Variants in LHX6 observed in about 807,000 individuals in gnomAD.
The protein encoded by LHX6 is LIM homeobox 6, also known as LIM/homeobox protein Lhx6.
LHX6 carries 15 observed loss-of-function variants against 47.1 expected under a neutral mutation model. The ratio of observed to expected loss-of-function variants is 0.32; its 90% CI spans 0.21 to 0.49. LHX6 has a LOEUF of 0.49. Among genes scored for constraint, LHX6 ranks in the 20% least tolerant of loss-of-function variants. The probability of loss-of-function intolerance (pLI) is 0.99; values close to 1 mark genes in which losing one functional copy is unlikely to be tolerated. For synonymous variants in LHX6, 242 were observed against 233.5 expected (o/e 1.04, Z -0.33); for missense variants, 404 against 539.6 (o/e 0.75, Z 2.49).
rs1011642236 is a variant in LHX6 at position 122,228,596 on chromosome 9, T to C, written c.84+61A>G. On this transcript the variant is annotated intron_variant, in intron 1 of 9. Transcript: ENST00000394319. ...CGCCCGCCACCCTGCTCGGCCCGGC[T>C]GGGTCCCGGACCCTGCCCGACCCCG... The C allele has an allele frequency of 3.7e-6, 5 of 1,336,606 alleles. No individual in the cohort carries two copies. In the African/African-American group the frequency reaches 4.8e-5, roughly 13 times the overall value. 82.8% of individuals were successfully genotyped at this position (1,336,606 alleles called of 1,614,324 possible). A position where few individuals can be genotyped will look rare whatever the true frequency, so the allele number is the denominator to read the frequency against.
At chr9:122,207,341 A>G (rs1830221465) in intron 9 of LHX6, among the ~76,000 whole-genome samples, 1 of 152,200 alleles carries the variant, frequency 6.6e-6, no homozygotes. Context: ...GCTGCACAAA[A>G]GGAAGTGATT....
chr9:122,217,259 C>A lies in LHX6; in HGVS notation c.491G>T (p.Gly164Val). Residue 164 changes from glycine to valine, a missense_variant, in exon 5 of 10, where the codon GGC becomes GTC. By Grantham distance (109) the Gly-to-Val change is moderately radical (BLOSUM62 -3). Around this residue, in one of 7 missense-constraint regions of LHX6, gnomAD observed 53 missense variants for 97.4 expected, o/e 0.54. Coordinates refer to ENST00000394319, the MANE Select transcript of LHX6 (RefSeq NM_014368.5). This position sits in a 1 kb window ranked among gnomAD's most constrained non-coding sequence, Gnocchi z 4.9. ...SRFGTKCARC[G>V]RQIYASDWVR... ...CCAGTCGCTGGCGTAGATCTGTCGG[C>A]CGCACCGGGCACACTTGGTCCCGAA... 1 of 1,613,212 alleles carries A rather than the reference C, an allele frequency of 6.2e-7. No homozygotes were observed.
intron 1 of LHX6, chr9:122,228,392 C>T: frequency 6.7e-7 from 1 of 1,499,918 alleles, no homozygotes; most frequent in East Asian, 2.5e-5. Context: ...CGGACAATAC[C>T]GGCCTCGCCT....
At position 122,209,720 on chromosome 9, in the gene LHX6, G is replaced by T; in HGVS notation, c.1055-3C>A. ...CACCTGCCCGCACTGTACCTGACCT[G>T]TGGACGAGAGGATGCCTTGGAGCTC... On this transcript the variant is annotated splice_polypyrimidine_tract_variant and splice_region_variant and intron_variant, in intron 8 of 9. Coordinates refer to ENST00000394319, the MANE Select transcript of LHX6 (RefSeq NM_014368.5). 1.2e-6 allele frequency: 1 copy of T among 827,898 alleles called. No homozygotes were observed. 51.3% of individuals were successfully genotyped at this position (827,898 alleles called of 1,614,324 possible).
intron 4 of LHX6, among the ~76,000 whole-genome samples, chr9:122,219,418 C>A (rs1037577310): frequency 6.6e-6 from 1 of 152,232 alleles, no homozygotes; most frequent in Non-Finnish European, 1.5e-5. Context: ...CTCTGTTCCC[C>A]GTCCCGCAGT....
At position 122,226,246 on chromosome 9, in the gene LHX6, G is replaced by C; in HGVS notation, c.461+130C>G. ...CGCTGAGCGCCGGCAGGTTGGACCA[G>C]CGCTGCGCGCCGGAAGTGCACTCGG... is the stretch of plus-strand genomic sequence containing the variant. On this transcript the variant is annotated intron_variant, in intron 4 of 9. Transcript: ENST00000394319. This position sits in a 1 kb window ranked among gnomAD's most constrained non-coding sequence, Gnocchi z 6.5. 8.0e-7 allele frequency: 1 copy of C among 1,248,950 alleles called. No homozygotes were observed. The highest frequency in any genetic ancestry group is 1.1e-6 in the Non-Finnish European group (1 of 921,680). 77.4% of individuals were successfully genotyped at this position (1,248,950 alleles called of 1,614,324 possible). A position where few individuals can be genotyped will look rare whatever the true frequency, so the allele number is the denominator to read the frequency against.
At chr9:122,211,583 A>G (rs1830399456) in intron 8 of LHX6, among the ~76,000 whole-genome samples, 1 of 152,210 alleles carries the variant, frequency 6.6e-6, no homozygotes. Flanking sequence ...TTTACCATAG[A>G]GCAAACTGCT....
At chr9:122,219,687 C>T (rs572972075) in intron 4 of LHX6, among the ~76,000 whole-genome samples, 31 of 152,294 alleles carry the variant, frequency 2.0e-4, no homozygotes, top group African/African-American at 7.2e-4. Context: ...GGGACTCTGG[C>T]ATCCGGTTTT....
intron 4 of LHX6, among the ~76,000 whole-genome samples, chr9:122,224,813 A>AT (rs57752823): frequency 0.02 from 3,075 of 152,294 alleles, 111 homozygotes; most frequent in African/African-American, 0.07. Context: ...AGGAACACAC[A>AT]TGCTATCTAC....
intron 9 of LHX6, among the ~76,000 whole-genome samples, chr9:122,208,981 A>T (rs549848731): frequency 1.3e-5 from 2 of 152,066 alleles, no homozygotes; most frequent in African/African-American, 4.8e-5. Context: ...TGGAGCTGGG[A>T]GGGAGGTAAG....
chr9:122,224,757 C>T (rs1401671108), intron 4 of LHX6, among the ~76,000 whole-genome samples: 2 of 152,192 alleles, frequency 1.3e-5, no homozygotes, highest in Non-Finnish European at 2.9e-5. Context: ...CAGACACCCA[C>T]TCTTGACACC....
chr9:122,204,591 AGGAGAG>A lies in LHX6; in HGVS notation c.*163_*168del. On this transcript the variant is annotated 3_prime_UTR_variant, in exon 10 of 10. Transcript: ENST00000394319. ...CTCCTGGTGGGTTCTGGTTCTCAGC[AGGAGAG>A]GGAAAGGCCAGGCCTCGGGAACCGA... 1.6e-6 allele frequency: 1 copy of A among 616,082 alleles called. No individual in the cohort carries two copies. Among genetic ancestry groups the A allele is most frequent in the Non-Finnish European group, 2.7e-6 (1 of 364,518 alleles). 38.2% of individuals were successfully genotyped at this position (616,082 alleles called of 1,614,324 possible). A position where few individuals can be genotyped will look rare whatever the true frequency, so the allele number is the denominator to read the frequency against.
Position 122,226,793 on chromosome 9 carries a change from C to T in LHX6, c.339+55G>A. On this transcript the variant is annotated intron_variant, in intron 3 of 9. Coordinates refer to ENST00000394319, the MANE Select transcript of LHX6 (RefSeq NM_014368.5). The surrounding 1 kb of genome is among the most constrained non-coding windows in gnomAD (Gnocchi z 6.5). ...ACCTGCGGTGCTTCCCTGCAGTCTC[C>T]TGCGCTGCGTCCCACGCCCCGACAA... The T allele has an allele frequency of 3.3e-6, 5 of 1,525,210 alleles. No homozygotes were observed. Among genetic ancestry groups the T allele is most frequent in the Middle Eastern group, 4.7e-4 (2 of 4,296 alleles). The allele number at this position is 1,525,210 out of a possible 1,614,324, so 94.5% of individuals were successfully genotyped here. A position where few individuals can be genotyped will look rare whatever the true frequency, so the allele number is the denominator to read the frequency against.
chr9:122,224,427 G>C (rs1289928793), intron 4 of LHX6, among the ~76,000 whole-genome samples: 1 of 152,134 alleles, frequency 6.6e-6, no homozygotes, highest in Non-Finnish European at 1.5e-5. Context: ...CCAATACTCA[G>C]ATGGGACAGT....
intron 8 of LHX6, among the ~76,000 whole-genome samples, chr9:122,210,910 C>T (rs913054931): frequency 6.6e-6 from 1 of 152,146 alleles, no homozygotes; most frequent in African/African-American, 2.4e-5. Context: ...TCTGTCTTTG[C>T]CAACTAGAAT....
Position 122,214,434 on chromosome 9 carries a change from A to G in LHX6, c.683-51T>C. On this transcript the variant is annotated intron_variant, in intron 5 of 9. Coordinates refer to ENST00000394319, the MANE Select transcript of LHX6 (RefSeq NM_014368.5). This position sits in a 1 kb window ranked among gnomAD's most constrained non-coding sequence, Gnocchi z 4.6. ...ACGCGTCCCCATCTCTTCTAGTGGCAGCCTGGAAAGGACGGGGGTGGGGGG... is the reference window on the plus strand; with the variant it reads ...ACGCGTCCCCATCTCTTCTAGTGGCGGCCTGGAAAGGACGGGGGTGGGGGG... 1 of 1,483,218 alleles carries G rather than the reference A, an allele frequency of 6.7e-7. No individual in the cohort carries two copies. The highest frequency in any genetic ancestry group is 8.9e-7 in the Non-Finnish European group (1 of 1,121,484). 91.9% of individuals were successfully genotyped at this position (1,483,218 alleles called of 1,614,324 possible).
At chr9:122,228,579 A>C in intron 1 of LHX6, 78 bp downstream of exon 1, 1 of 1,242,300 alleles carries the variant, frequency 8.0e-7, no homozygotes, top group Non-Finnish European at 1.0e-6. Flanking sequence ...ACCGCCCGCC[A>C]CCCTGCTCGG....
intron 4 of LHX6, among the ~76,000 whole-genome samples, chr9:122,218,313 G>T (rs1363137317): frequency 3.3e-5 from 5 of 152,064 alleles, no homozygotes; most frequent in African/African-American, 1.2e-4. Context: ...GTTTCCTCTG[G>T]TACACCCTCT....
In LHX6 at chr9:122,213,901, C is replaced by T; in HGVS notation, c.879+73G>A. ...AAGGATGGCCACGTGCACGCACCAC[C>T]CTCCGCGCCGAGCCCAGCTACGAGC... On this transcript the variant is annotated intron_variant, in intron 7 of 9. Coordinates refer to ENST00000394319, the MANE Select transcript of LHX6 (RefSeq NM_014368.5). The surrounding 1 kb of genome is among the most constrained non-coding windows in gnomAD (Gnocchi z 5.5). 6.5e-7 allele frequency: 1 copy of T among 1,529,478 alleles called. No individual in the cohort carries two copies. Among genetic ancestry groups the T allele is most frequent in the Non-Finnish European group, 8.9e-7 (1 of 1,128,066 alleles). 94.7% of individuals were successfully genotyped at this position (1,529,478 alleles called of 1,614,324 possible).
Sources: allele counts gnomAD v4.1 joint callset (sites outside exome capture counted in the v4.1 genomes callset), GRCh38; gene constraint gnomAD v4.1.1; regional missense constraint gnomAD v4.1.1; non-coding constraint Gnocchi (gnomAD v3.1); transcripts MANE v1.5; gene names NCBI Gene and HGNC (gene_info 2026-07-23, HGNC 2026-07-21).